GALNT17: variants seen among roughly 807,000 people sequenced by gnomAD.
GALNT17 encodes the protein polypeptide N-acetylgalactosaminyltransferase 17, also known as UDP-GalNAc:polypeptide N-acetylgalactosaminyltransferase-like 3.
In GALNT17, 29 loss-of-function variants were observed where a neutral mutation model predicts 63.7. That is an observed-to-expected ratio of 0.46 (90% CI 0.34 to 0.62). The LOEUF (loss-of-function observed/expected upper bound fraction) is 0.62, where lower values mean the gene tolerates loss of function less well. GALNT17 is among the 20% of genes least tolerant of loss of function. The probability of loss-of-function intolerance (pLI) is 0.01; values close to 1 mark genes in which losing one functional copy is unlikely to be tolerated. For synonymous variants in GALNT17, 305 were observed against 318.3 expected (o/e 0.96, Z 0.45); for missense variants, 603 against 799.6 (o/e 0.75, Z 2.97).
chr7:71,686,917 A>G (rs1791369459), intron 9 of GALNT17, among the ~76,000 whole-genome samples: 1 of 152,112 alleles, frequency 6.6e-6, no homozygotes, highest in South Asian at 2.1e-4. Context: ...TTCGACGGGC[A>G]CTCTTTGAAA....
chr7:71,390,937 A>G (rs1386580179), intron 3 of GALNT17, among the ~76,000 whole-genome samples: 1 of 152,226 alleles, frequency 6.6e-6, no homozygotes, highest in Non-Finnish European at 1.5e-5. Flanking sequence ...ACTTGCTCCA[A>G]GTGCGAGGGA....
intron 1 of GALNT17, among the ~76,000 whole-genome samples, chr7:71,249,980 G>A (rs114828195): frequency 2.2e-4 from 34 of 152,174 alleles, no homozygotes; most frequent in African/African-American, 7.0e-4. Context: ...TATGGAAGGC[G>A]TTTAAAAGCC....
intron 3 of GALNT17, among the ~76,000 whole-genome samples, chr7:71,396,075 A>T (rs1250195708): frequency 6.6e-6 from 1 of 152,246 alleles, no homozygotes; most frequent in East Asian, 1.9e-4. Flanking sequence ...GTCTTTTCAC[A>T]TTCTTGATAA....
intron 2 of GALNT17, among the ~76,000 whole-genome samples, chr7:71,355,423 G>A (rs1461180076): frequency 3.3e-5 from 5 of 152,090 alleles, no homozygotes; most frequent in African/African-American, 1.2e-4. Context: ...ACTTCGGTTT[G>A]TATTTACCTT....
At chr7:71,670,185 G>C (rs1791047924) in intron 8 of GALNT17, 76 bp downstream of exon 8, 2 of 1,590,862 alleles carry the variant, frequency 1.3e-6, no homozygotes, top group East Asian at 2.2e-5. Context: ...GGGAGAAATA[G>C]AGTTGCTCAT....
chr7:71,218,776 A>G (rs1402171460), intron 1 of GALNT17, among the ~76,000 whole-genome samples: 1 of 151,990 alleles, frequency 6.6e-6, no homozygotes, highest in Non-Finnish European at 1.5e-5. Flanking sequence ...GGGATCTAGG[A>G]TGAGTGCTTC....
At chr7:71,400,146 C>T (rs1563065171) in intron 3 of GALNT17, among the ~76,000 whole-genome samples, 1 of 152,096 alleles carries the variant, frequency 6.6e-6, no homozygotes, top group Non-Finnish European at 1.5e-5. Flanking sequence ...GCTCTCCCTC[C>T]CCTTGTCCCC....
At chr7:71,454,495 G>A (rs193089391) in intron 5 of GALNT17, among the ~76,000 whole-genome samples, 1 of 152,190 alleles carries the variant, frequency 6.6e-6, no homozygotes, top group African/African-American at 2.4e-5. Flanking sequence ...TTGGAAAGAA[G>A]AACTTTATTT....
At chr7:71,315,386 C>T (rs1031800803) in intron 1 of GALNT17, among the ~76,000 whole-genome samples, 1 of 152,106 alleles carries the variant, frequency 6.6e-6, no homozygotes, top group Non-Finnish European at 1.5e-5. Context: ...TGGGTACATA[C>T]CTAGGAGCGG....
intron 5 of GALNT17, among the ~76,000 whole-genome samples, chr7:71,429,338 G>T (rs1034382968): frequency 3.3e-5 from 5 of 152,164 alleles, no homozygotes; most frequent in African/African-American, 4.8e-5. Flanking sequence ...GAAAGGTCAT[G>T]CTGTCTGACT....
intron 1 of GALNT17, among the ~76,000 whole-genome samples, chr7:71,180,543 A>C (rs1788717246): frequency 6.6e-6 from 1 of 152,178 alleles, no homozygotes. Flanking sequence ...GCAGTCTCTC[A>C]TTTTGATCTT....
intron 1 of GALNT17, among the ~76,000 whole-genome samples, chr7:71,196,626 AT>A (rs1384629001): frequency 6.6e-6 from 1 of 150,530 alleles, no homozygotes; most frequent in Non-Finnish European, 1.5e-5. Context: ...CTGTTGCTTA[AT>A]TAAAAAAAAA....
intron 1 of GALNT17, among the ~76,000 whole-genome samples, chr7:71,270,124 T>G (rs1267833876): frequency 6.6e-6 from 1 of 152,114 alleles, no homozygotes; most frequent in African/African-American, 2.4e-5. Flanking sequence ...AGTTACTATT[T>G]TTAGCCCCGT....
At chr7:71,327,768 A>G (rs1030291711) in intron 1 of GALNT17, among the ~76,000 whole-genome samples, 9 of 152,186 alleles carry the variant, frequency 5.9e-5, no homozygotes, top group African/African-American at 2.2e-4. Context: ...TTGCCACCCT[A>G]AGGTCTGCAG....
intron 1 of GALNT17, among the ~76,000 whole-genome samples, chr7:71,288,374 G>T (rs902889589): frequency 1.3e-5 from 2 of 151,748 alleles, no homozygotes; most frequent in Non-Finnish European, 2.9e-5. Context: ...CTCAGTGGTG[G>T]CAGAGGCAGA....
intron 1 of GALNT17, among the ~76,000 whole-genome samples, chr7:71,150,516 C>CTT (rs1039115599): frequency 2.1e-5 from 3 of 141,454 alleles, no homozygotes; most frequent in Non-Finnish European, 3.1e-5. Context: ...TTTTCTTTTT[C>CTT]TTTTTTTTTT....
At chr7:71,561,791 C>T (rs1304090933) in intron 5 of GALNT17, among the ~76,000 whole-genome samples, 3 of 151,840 alleles carry the variant, frequency 2.0e-5, no homozygotes, top group African/African-American at 7.3e-5. Flanking sequence ...ACTGAGACAG[C>T]GAGCCACATG....
intron 1 of GALNT17, among the ~76,000 whole-genome samples, chr7:71,197,192 CTTT>C (rs34276195): frequency 6.4e-3 from 446 of 69,688 alleles, no homozygotes; most frequent in African/African-American, 0.025. Context: ...CCCTGTTGTG[CTTT>C]TTTTTTTTTT....
chr7:71,614,592 C>T (rs1790170857), intron 6 of GALNT17, among the ~76,000 whole-genome samples: 2 of 150,288 alleles, frequency 1.3e-5, no homozygotes, highest in South Asian at 4.2e-4. Context: ...TGCACTCCAG[C>T]CTGGTGACAG....
Sources: allele counts gnomAD v4.1 joint callset (sites outside exome capture counted in the v4.1 genomes callset), GRCh38; gene constraint gnomAD v4.1.1; transcripts MANE v1.5; gene names NCBI Gene and HGNC (gene_info 2026-07-23, HGNC 2026-07-21).